PCSK6: variants seen among roughly 807,000 people sequenced by gnomAD.
The protein encoded by PCSK6 is proprotein convertase subtilisin/kexin type 6, also known as paired basic amino acid cleaving enzyme 4.
A neutral mutation model predicts 123.3 loss-of-function variants in PCSK6; 85 were observed. The observed-to-expected ratio is 0.69, with a 90% confidence interval of 0.58 to 0.83. The LOEUF (loss-of-function observed/expected upper bound fraction) is 0.83, where lower values mean the gene tolerates loss of function less well. PCSK6 is among the 40% of genes least tolerant of loss of function. The pLI is 0.00. For missense variants in PCSK6, 1,191 were observed against 1,282.3 expected, an observed-to-expected ratio of 0.93 and a Z score of 1.09; for synonymous variants, 508 against 516.0, an observed-to-expected ratio of 0.98 and a Z score of 0.21.
intron 13 of PCSK6, chr15:101,347,235 C>T (rs773158576): frequency 2.0e-4 from 247 of 1,232,334 alleles, no homozygotes; most frequent in Middle Eastern, 3.1e-4. Context: ...ATTGAGCCAT[C>T]GAACACAGAT....
chr15:101,454,683 G>A (rs1284938903), intron 1 of PCSK6, among the ~76,000 whole-genome samples: 1 of 152,158 alleles, frequency 6.6e-6, no homozygotes, highest in East Asian at 1.9e-4. Flanking sequence ...GCTTCTGCCT[G>A]TAATTCCAGC....
intron 1 of PCSK6, among the ~76,000 whole-genome samples, chr15:101,446,742 C>A (rs1361471643): frequency 6.6e-6 from 1 of 152,202 alleles, no homozygotes; most frequent in Non-Finnish European, 1.5e-5. Context: ...TGATGTCAAG[C>A]AAGGGTTCTC....
chr15:101,475,433 A>G (rs529022704), intron 1 of PCSK6, among the ~76,000 whole-genome samples: 2 of 152,354 alleles, frequency 1.3e-5, no homozygotes, highest in Admixed American at 6.5e-5. Context: ...GAATATAAAT[A>G]AGCAATTCAG....
At position 101,382,127 on chromosome 15, in the gene PCSK6, C is replaced by A. The variant is rs764723670; in HGVS notation, c.1497G>T (p.Gln499His). The A allele has an allele frequency of 1.1e-5, 18 of 1,611,730 alleles. No individual in the cohort carries two copies. The South Asian group carries it at 2.0e-4, about 18-fold the overall frequency. ...EAKKWTAVPSQHMCVAASDKR... is the reference protein window; with the variant it reads ...EAKKWTAVPSHHMCVAASDKR... ...TGTCCGAGGCGGCCACACACATGTG[C>A]TGCGATGGCACTGCTGTCCACTTCT... Residue 499 changes from glutamine to histidine, a missense_variant, in exon 11 of 22, where the codon CAG becomes CAT. Physicochemically the swap from Gln to His is conservative, Grantham distance 24. Around this residue, in one of 3 missense-constraint regions of PCSK6, gnomAD observed 630 missense variants for 631.4 expected, o/e 1.00. Transcript: ENST00000611716.
chr15:101,323,340 G>C (rs780342195), intron 17 of PCSK6, among the ~76,000 whole-genome samples: 16 of 152,218 alleles, frequency 1.1e-4, no homozygotes, highest in African/African-American at 3.9e-4. Context: ...TGGGGATGAA[G>C]GCGCCTCCGT....
At chr15:101,456,247 T>TCACTAAGACTG (rs71154333) in intron 1 of PCSK6, among the ~76,000 whole-genome samples, 82,605 of 151,656 alleles carry the variant, frequency 0.54, 24,984 homozygotes, top group Non-Finnish European at 0.7. Flanking sequence ...ACGTGCTGAT[T>TCACTAAGACTG]CACGTAACAG....
chr15:101,443,276 A>G (rs1208569557), intron 2 of PCSK6, among the ~76,000 whole-genome samples: 1 of 152,224 alleles, frequency 6.6e-6, no homozygotes, highest in East Asian at 1.9e-4. Flanking sequence ...TTATTAAAAT[A>G]CTTGCTTGAA....
intron 1 of PCSK6, among the ~76,000 whole-genome samples, chr15:101,459,732 G>C (rs115010579): frequency 2.0e-5 from 3 of 150,506 alleles, no homozygotes; most frequent in Admixed American, 6.6e-5. Context: ...CCCTCACCCT[G>C]ATGCCTCCCA....
intron 11 of PCSK6, among the ~76,000 whole-genome samples, chr15:101,379,912 T>C (rs2041865694): frequency 6.6e-6 from 1 of 152,106 alleles, no homozygotes; most frequent in South Asian, 2.1e-4. Flanking sequence ...ACGTGAGGCA[T>C]GGAACTCTGC....
chr15:101,348,317 C>T (rs530576090), intron 13 of PCSK6, among the ~76,000 whole-genome samples: 11 of 152,360 alleles, frequency 7.2e-5, no homozygotes, highest in South Asian at 2.1e-4. Context: ...CAAGGCCTGA[C>T]GACAGCAGGG....
At position 101,305,338 on chromosome 15, in the gene PCSK6, C is replaced by T. The variant is rs750847164; in HGVS notation, c.2830G>A (p.Glu944Lys). The T allele has an allele frequency of 1.6e-5, 26 of 1,612,434 alleles. No homozygotes were observed. The Middle Eastern group carries it at 4.9e-4, about 31-fold the overall frequency. The stretch of plus-strand genomic sequence containing the variant: ...CACAGCCGGTTGGACTTCACCATCT[C>T]GCAGAATGTCTCGTCAGCTGGGGCC... ...TCSNADETFC[E>K]MVKSNRLCER... The change falls in exon 22 of 22, where the codon GAG becomes AAG. Residue 944 changes from glutamate to lysine, a missense_variant. By Grantham distance (56) the Glu-to-Lys change is moderately conservative. Transcript: ENST00000611716. The surrounding 1 kb of genome is among the most constrained non-coding windows in gnomAD (Gnocchi z 4.8).
chr15:101,341,085 C>A (rs2040594006), intron 13 of PCSK6, among the ~76,000 whole-genome samples: 1 of 149,226 alleles, frequency 6.7e-6, no homozygotes, highest in South Asian at 2.1e-4. Flanking sequence ...ACAGATGCCA[C>A]CACCACACCC....
At chr15:101,408,025 G>A (rs2141609250) in intron 6 of PCSK6, among the ~76,000 whole-genome samples, 1 of 152,336 alleles carries the variant, frequency 6.6e-6, no homozygotes, top group East Asian at 1.9e-4. Context: ...GCTAGGGAAT[G>A]AGGGCTGGAG....
At chr15:101,344,185 T>C (rs990378627) in intron 13 of PCSK6, among the ~76,000 whole-genome samples, 1 of 152,264 alleles carries the variant, frequency 6.6e-6, no homozygotes, top group Non-Finnish European at 1.5e-5. Flanking sequence ...TTGCATCTTC[T>C]ATTATTATGA....
chr15:101,468,617 C>G (rs1341001424), intron 1 of PCSK6, among the ~76,000 whole-genome samples: 1 of 152,184 alleles, frequency 6.6e-6, no homozygotes, highest in Non-Finnish European at 1.5e-5. Context: ...ATGGCTCCTC[C>G]AAAATCCAAT....
rs538516088 is a variant in PCSK6 at position 101,398,589 on chromosome 15, AG to A, written c.824-14del. 149 of 1,602,776 alleles carry A rather than the reference AG, an allele frequency of 9.3e-5. 1 individual carries two copies. In the African/African-American group the frequency reaches 1.8e-3, roughly 19 times the overall value. On this transcript the variant is annotated splice_polypyrimidine_tract_variant and intron_variant, in intron 6 of 21. Coordinates refer to ENST00000611716, the MANE Select transcript of PCSK6 (RefSeq NM_002570.5). The surrounding 1 kb of genome is among the most constrained non-coding windows in gnomAD (Gnocchi z 4.6). Reference sequence around the variant, plus strand: ...AGCATGCGGATGCCTGAAAGCACAGAGGAGGCTCGGTGTCGGCGCCCAGGCT... The same window carrying A: ...AGCATGCGGATGCCTGAAAGCACAGAGAGGCTCGGTGTCGGCGCCCAGGCT...
chr15:101,443,785 A>G, intron 1 of PCSK6, 125 bp from the exon 2 acceptor site: 3 of 711,840 alleles, frequency 4.2e-6, no homozygotes, highest in South Asian at 3.3e-5. Context: ...CACACCCTCC[A>G]TCACCCTGCT....
Position 101,305,007 on chromosome 15 carries a change from A to G in PCSK6, c.*251T>C, listed in dbSNP as rs150081581. ...CCAGAGCTGTGGATTCCCAGAATTC[A>G]TTTTGTTCCTGTTAGTTTGTCGGAA... is the stretch of plus-strand genomic sequence containing the variant. On this transcript the variant is annotated 3_prime_UTR_variant, in exon 22 of 22. Coordinates refer to ENST00000611716, the MANE Select transcript of PCSK6 (RefSeq NM_002570.5). This position sits in a 1 kb window ranked among gnomAD's most constrained non-coding sequence, Gnocchi z 4.8. 53 of 487,352 alleles carry G rather than the reference A, an allele frequency of 1.1e-4. 1 individual carries two copies. In the East Asian group the frequency reaches 1.8e-3, roughly 17 times the overall value. 30.2% of individuals were successfully genotyped at this position (487,352 alleles called of 1,614,324 possible).
At chr15:101,423,204 A>T (rs534408140) in intron 6 of PCSK6, among the ~76,000 whole-genome samples, 1 of 152,296 alleles carries the variant, frequency 6.6e-6, no homozygotes, top group South Asian at 2.1e-4. Context: ...AGGGATTCGG[A>T]AACAGTAAAA....
Sources: allele counts gnomAD v4.1 joint callset (sites outside exome capture counted in the v4.1 genomes callset), GRCh38; gene constraint gnomAD v4.1.1; regional missense constraint gnomAD v4.1.1; non-coding constraint Gnocchi (gnomAD v3.1); transcripts MANE v1.5; gene names NCBI Gene and HGNC (gene_info 2026-07-23, HGNC 2026-07-21).